Variants in NPC1 observed in about 807,000 individuals in gnomAD.
NPC1 encodes Niemann-Pick C1 protein.
A neutral mutation model predicts 140.4 loss-of-function variants in NPC1; 85 were observed. The observed-to-expected ratio is 0.61, with a 90% CI of 0.51 to 0.72. The LOEUF is 0.72. Ranked by LOEUF, NPC1 falls within the 30% of genes least tolerant of loss-of-function variation. NPC1 has a pLI of 0.00. For missense variants in NPC1, 1,504 were observed against 1,623.8 expected, an observed-to-expected ratio of 0.93 and a Z score of 1.27; for synonymous variants, 656 against 624.8, an observed-to-expected ratio of 1.05 and a Z score of -0.74.
chr18:23,539,225 A>G lies in NPC1; in HGVS notation c.2911+130T>C, dbSNP rs2058676456. ...TCAGAATGAATGACTGAGGAAAGGA[A>G]TGATGACACAGGGAGACCCAGCTTT... On this transcript the variant is annotated intron_variant, in intron 19 of 24. Transcript: ENST00000269228. 5 of 724,628 alleles carry G rather than the reference A, an allele frequency of 6.9e-6. 1 individual carries two copies. The highest frequency in any genetic ancestry group is 1.3e-5 in the Non-Finnish European group (5 of 397,538). 44.9% of individuals were successfully genotyped at this position (724,628 alleles called of 1,614,324 possible).
chr18:23,509,251 TA>T, intron 3 of NPC1: 1 of 1,456,894 alleles, frequency 6.9e-7, no homozygotes. Context: ...ATTGTCTTCA[TA>T]ACAGATCAAG....
At chr18:23,565,060 T>C (rs978094445) in intron 4 of NPC1, among the ~76,000 whole-genome samples, 4 of 152,226 alleles carry the variant, frequency 2.6e-5, no homozygotes, top group Non-Finnish European at 5.9e-5. Context: ...ACTGTCTTGA[T>C]TTCCATTGCT....
intron 24 of NPC1, among the ~76,000 whole-genome samples, chr18:23,532,554 T>C (rs915081264): frequency 2.0e-5 from 3 of 152,168 alleles, no homozygotes; most frequent in African/African-American, 7.2e-5. Flanking sequence ...GCTTCCTGCC[T>C]CAGCCTAACA....
At chr18:23,551,273 C>G (rs1022471876) in intron 10 of NPC1, among the ~76,000 whole-genome samples, 5 of 152,196 alleles carry the variant, frequency 3.3e-5, no homozygotes, top group Admixed American at 2.6e-4. Context: ...GAGGCTCTTA[C>G]CTGAGGTCCA....
chr18:23,557,080 C>T (rs1303913943), intron 7 of NPC1, 37 bp downstream of exon 7: 2 of 1,512,882 alleles, frequency 1.3e-6, no homozygotes, highest in Non-Finnish European at 1.8e-6. Flanking sequence ...CAGACAGCAT[C>T]ATCTGAACCC....
At chr18:23,580,480 C>T (rs1407471326) in intron 1 of NPC1, among the ~76,000 whole-genome samples, 2 of 152,208 alleles carry the variant, frequency 1.3e-5, no homozygotes, top group Non-Finnish European at 2.9e-5. Context: ...TTTAAAGTAT[C>T]TCTCTAGGCA....
downstream of NPC1, among the ~76,000 whole-genome samples, chr18:23,522,143 C>T (rs1312795291): frequency 1.3e-5 from 2 of 152,204 alleles, no homozygotes; most frequent in Non-Finnish European, 2.9e-5. Context: ...GCTGGACCAG[C>T]CAAAAGCTTA....
rs548434575 is a variant in NPC1, at chr18:23,575,426, A to T, written c.58-1852T>A. On this transcript the variant is annotated intron_variant, in intron 1 of 24. Coordinates refer to ENST00000269228, the MANE Select transcript of NPC1 (RefSeq NM_000271.5). The stretch of plus-strand genomic sequence containing the variant: ...CTCCTGAGGCTCAGTGTGCTTGTTG[A>T]GCTGGATTGCACCTGGGATCACACC... 3.3e-5 allele frequency among the ~76,000 whole-genome samples: 5 copies of T among 152,144 alleles called. No homozygotes were observed. In the East Asian group the frequency reaches 9.7e-4, roughly 29 times the overall value.
chr18:23,524,048 G>C (rs1024090418), intron 1 of NPC1: 1 of 1,380,588 alleles, frequency 7.2e-7, no homozygotes, highest in Non-Finnish European at 1.0e-6. Context: ...ACATTAAAAA[G>C]TATTGACTTT....
downstream of NPC1, chr18:23,530,516 G>C: frequency 6.2e-7 from 1 of 1,614,274 alleles, no homozygotes; most frequent in Non-Finnish European, 8.5e-7. Context: ...TTTAGATGCT[G>C]CAAAGCAGAC....
At chr18:23,525,554 A>G (rs550590291), downstream of NPC1, among the ~76,000 whole-genome samples, 1 of 152,134 alleles carries the variant, frequency 6.6e-6, no homozygotes, top group East Asian at 1.9e-4. Context: ...CCTCCCCAGT[A>G]GCTGGGATTA....
At position 23,557,164 on chromosome 18, in the gene NPC1, G is replaced by A; in HGVS notation, c.908C>T (p.Thr303Ile). The change falls in exon 7 of 25, where the codon ACT becomes ATT. Residue 303 changes from threonine (T) to isoleucine (I), a missense_variant. Thr to Ile is a moderately conservative substitution (Grantham distance 89). Coordinates refer to ENST00000269228, the MANE Select transcript of NPC1 (RefSeq NM_000271.5). ...AAAAGCTATATTGCTATCGATGGGA[G>A]TGTACTCGGAGACAAAATACCGTTT... ...YRKRYFVSEY[T>I]PIDSNIAFSV... The A allele has an allele frequency of 6.2e-7, 1 of 1,613,616 alleles. No individual in the cohort carries two copies. The highest frequency in any genetic ancestry group is 2.2e-5 in the East Asian group (1 of 44,884).
In NPC1 at chr18:23,548,051, T is replaced by C. The variant is rs750033860; in HGVS notation, c.1712A>G (p.Tyr571Cys). 18 of 1,612,592 alleles carry C rather than the reference T, an allele frequency of 1.1e-5. No individual in the cohort carries two copies. The highest frequency in any genetic ancestry group is 3.3e-5 in the Admixed American group (2 of 60,010). The change falls in exon 11 of 25, where the codon TAT becomes TGT. Residue 571 changes from tyrosine (Y) to cysteine (C), a missense_variant. Tyr to Cys is a radical substitution (Grantham distance 194). Coordinates refer to ENST00000269228, the MANE Select transcript of NPC1 (RefSeq NM_000271.5). ...CCTCTGGAGCTTCTCTGTATCATTA[T>C]AGTAATTATTGACAGGGAAGGTAAT... ...LVITFPVNNY[Y>C]NDTEKLQRAQ...
chr18:23,563,925 T>C (rs965664368), intron 4 of NPC1, among the ~76,000 whole-genome samples: 2 of 152,186 alleles, frequency 1.3e-5, no homozygotes, highest in Non-Finnish European at 1.5e-5. Flanking sequence ...GAGAAATGTC[T>C]ACTCTATTCA....
rs28942106 is a variant in NPC1, at chr18:23,535,683, T to C, written c.3263A>G (p.Tyr1088Cys). 6 of 1,613,608 alleles carry C rather than the reference T, an allele frequency of 3.7e-6. No individual in the cohort carries two copies. The highest frequency in any genetic ancestry group is 2.2e-5 in the East Asian group (1 of 44,880). The change falls in exon 22 of 25, where the codon TAC (tyrosine) becomes TGC (cysteine). Residue 1088 changes from tyrosine to cysteine, a missense_variant. Tyr to Cys is a radical substitution (Grantham distance 194). Transcript: ENST00000269228. ...GTCAATGATGGTCAGGTACTGTTCG[T>C]AGAAGACATAAAACACACTGGAGGG... ...VFPYSVFYVF[Y>C]EQYLTIIDDT...
At chr18:23,553,300 T>A (rs1269238471) in intron 9 of NPC1, among the ~76,000 whole-genome samples, 1 of 152,278 alleles carries the variant, frequency 6.6e-6, no homozygotes, top group Non-Finnish European at 1.5e-5. Flanking sequence ...ATAAAAATTA[T>A]GTAACATTAA....
chr18:23,581,420 G>A (rs77156900), intron 1 of NPC1, among the ~76,000 whole-genome samples: 53 of 152,318 alleles, frequency 3.5e-4, no homozygotes, highest in East Asian at 3.5e-3. Flanking sequence ...CTAGGGCACA[G>A]AAGTCAGAAG....
intron 18 of NPC1, 115 bp downstream of exon 18, chr18:23,539,696 A>G (rs553375910): frequency 1.4e-5 from 17 of 1,243,820 alleles, no homozygotes; most frequent in Admixed American, 5.7e-5. Context: ...CATTTTGCAT[A>G]AAAACAACTT....
At chr18:23,541,654 T>C (rs2058715446) in intron 14 of NPC1, among the ~76,000 whole-genome samples, 1 of 152,234 alleles carries the variant, frequency 6.6e-6, no homozygotes, top group African/African-American at 2.4e-5. Flanking sequence ...AGCCCCATCC[T>C]AGTTATGACA....
Sources: gnomAD v4.1 joint callset for allele counts (sites outside exome capture counted in the v4.1 genomes callset) on GRCh38, gnomAD v4.1.1 for gene constraint, MANE v1.5 for transcripts, NCBI Gene and HGNC (gene_info 2026-07-23, HGNC 2026-07-21) for gene names.